Variants in KIAA1549L observed in about 807,000 individuals in gnomAD.
The protein encoded by KIAA1549L is UPF0606 protein KIAA1549L.
A neutral mutation model predicts 160.7 loss-of-function variants in KIAA1549L; 88 were observed. That is an observed-to-expected ratio of 0.55 (90% CI 0.46 to 0.65). The LOEUF (loss-of-function observed/expected upper bound fraction) is 0.65, where lower values mean the gene tolerates loss of function less well. Among genes scored for constraint, KIAA1549L ranks in the 30% least tolerant of loss-of-function variants. KIAA1549L has a pLI of 0.00. For synonymous variants in KIAA1549L, 950 were observed against 976.7 expected, an observed-to-expected ratio of 0.97 and a Z score of 0.51; for missense variants, 2,258 against 2,437.5, an observed-to-expected ratio of 0.93 and a Z score of 1.55.
rs755404470 is a variant in KIAA1549L, at chr11:33,542,934, C to T, written c.1371C>T (p.Ser457=). The part of the protein sequence containing the change: ...PLHLSAAPEN[S]RGPALSAEHT... ...ATTTGTCAGCAGCTCCAGAGAATTCCAGAGGGCCCGCCCTTTCGGCAGAAC... is the reference window on the plus strand; with the variant it reads ...ATTTGTCAGCAGCTCCAGAGAATTCTAGAGGGCCCGCCCTTTCGGCAGAAC... Residue 457 remains serine (S), a synonymous_variant, in exon 2 of 21, where the codon TCC becomes TCT. Transcript: ENST00000658780. 5.6e-6 allele frequency: 9 copies of T among 1,613,958 alleles called. No individual in the cohort carries two copies. In the Admixed American group the frequency reaches 1.3e-4, roughly 24 times the overall value.
chr11:33,525,335 C>T (rs1048163430), intron 1 of KIAA1549L, among the ~76,000 whole-genome samples: 1 of 152,122 alleles, frequency 6.6e-6, no homozygotes, highest in Non-Finnish European at 1.5e-5. Context: ...AGGATTTAAC[C>T]TTATCTAGAA....
rs76195088 is a variant in KIAA1549L at position 33,382,471 on chromosome 11, C to T, written c.238+5582C>T. Among the ~76,000 whole-genome samples, 632 of 152,140 alleles carry T rather than the reference C, an allele frequency of 4.2e-3. 3 individuals are homozygous for T. The highest frequency in any genetic ancestry group is 6.8e-3 in the Non-Finnish European group (459 of 67,988). On this transcript the variant is annotated intron_variant, in intron 1 of 20. Coordinates refer to ENST00000658780, the MANE Select transcript of KIAA1549L (RefSeq NM_012194.3). The stretch of plus-strand genomic sequence containing the variant: ...GGAAAAAGAGGCATTGGAGGCAACA[C>T]ATAAGACAATTCTTATGAAGTTTTT...
rs1849951079 is a variant in KIAA1549L at position 33,376,301 on chromosome 11, C to T, written c.-351C>T. On this transcript the variant is annotated 5_prime_UTR_variant, in exon 1 of 21. Transcript: ENST00000658780. This position sits in a 1 kb window ranked among gnomAD's most constrained non-coding sequence, Gnocchi z 5.8. Reference sequence around the variant, plus strand: ...GGCCGCCACCCCCGTTCCCGGCAGCCTCGCCCCCTAGTTCTGCAGGAGCCG... The same window carrying T: ...GGCCGCCACCCCCGTTCCCGGCAGCTTCGCCCCCTAGTTCTGCAGGAGCCG... Among the ~76,000 whole-genome samples, 1 of 148,882 alleles carries T rather than the reference C, an allele frequency of 6.7e-6. No individual in the cohort carries two copies. The highest frequency in any genetic ancestry group is 6.7e-5 in the Admixed American group (1 of 15,014).
Position 33,672,038 on chromosome 11 carries a change from T to G in KIAA1549L, c.*3884T>G, listed in dbSNP as rs1036151413. On this transcript the variant is annotated 3_prime_UTR_variant, in exon 21 of 21. Transcript: ENST00000658780. ...GGAGTTTTGCAAGGACTAGAAACCC[T>G]TTCACACTTGAAGTGCAGGTGTTGG... 6 of 152,238 alleles carry G rather than the reference T, an allele frequency of 3.9e-5. No homozygotes were observed. The highest frequency in any genetic ancestry group is 5.9e-5 in the Non-Finnish European group (4 of 68,058). 9.4% of individuals were successfully genotyped at this position (152,238 alleles called of 1,614,324 possible). A position where few individuals can be genotyped will look rare whatever the true frequency, so the allele number is the denominator to read the frequency against.
Position 33,672,963 on chromosome 11 carries a change from A to C in KIAA1549L, c.*4809A>C, listed in dbSNP as rs1028876069. On this transcript the variant is annotated 3_prime_UTR_variant, in exon 21 of 21. Transcript: ENST00000658780. ...AGTCTTTTGAAACAAAATTGGTTTC[A>C]AGTGAAACTTACATTATTTTTTGGC... The C allele has an allele frequency of 6.5e-6, 1 of 153,578 alleles. No individual in the cohort carries two copies. Among genetic ancestry groups the C allele is most frequent in the African/African-American group, 2.4e-5 (1 of 41,460 alleles). 9.5% of individuals were successfully genotyped at this position (153,578 alleles called of 1,614,324 possible).
intron 16 of KIAA1549L, among the ~76,000 whole-genome samples, chr11:33,627,870 G>A (rs1851163694): frequency 6.6e-6 from 1 of 150,658 alleles, no homozygotes; most frequent in Non-Finnish European, 1.5e-5. Context: ...TCTTTTAATT[G>A]TGATGTTAGG....
intron 1 of KIAA1549L, among the ~76,000 whole-genome samples, chr11:33,448,584 A>T (rs368468534): frequency 5.3e-5 from 8 of 152,192 alleles, no homozygotes; most frequent in African/African-American, 1.9e-4. Flanking sequence ...TGATTCAGCT[A>T]TTGCTTGTAC....
chr11:33,430,041 T>TCCTTCCTCCCTTCCTTCCTC (rs1200093248), intron 1 of KIAA1549L, among the ~76,000 whole-genome samples: 60 of 140,384 alleles, frequency 4.3e-4, no homozygotes, highest in African/African-American at 1.2e-3. Context: ...CTTCCTTCCT[T>TCCTTCCTCCCTTCCTTCCTC]CCTTCCTCCC....
intron 1 of KIAA1549L, among the ~76,000 whole-genome samples, chr11:33,505,462 G>A (rs928547765): frequency 6.6e-6 from 1 of 152,190 alleles, no homozygotes; most frequent in African/African-American, 2.4e-5. Flanking sequence ...CCTATCACAT[G>A]ATGCCCCCGT....
intron 1 of KIAA1549L, among the ~76,000 whole-genome samples, chr11:33,397,845 T>A (rs1850416517): frequency 7.1e-6 from 1 of 141,834 alleles, no homozygotes; most frequent in East Asian, 2.0e-4. Flanking sequence ...GGAAAAATCA[T>A]ATAGTTTTTT....
At chr11:33,491,190 A>G (rs1852649791) in intron 1 of KIAA1549L, among the ~76,000 whole-genome samples, 3 of 152,188 alleles carry the variant, frequency 2.0e-5, no homozygotes, top group Non-Finnish European at 2.9e-5. Flanking sequence ...CTTCAAGTGC[A>G]GGTATAGTGA....
At chr11:33,405,931 G>A (rs924995651) in intron 1 of KIAA1549L, among the ~76,000 whole-genome samples, 2 of 151,512 alleles carry the variant, frequency 1.3e-5, no homozygotes, top group African/African-American at 4.9e-5. Flanking sequence ...TTTTAGAAGA[G>A]GAAGGCTCTA....
intron 1 of KIAA1549L, among the ~76,000 whole-genome samples, chr11:33,468,429 G>C (rs1180139649): frequency 6.6e-6 from 1 of 152,220 alleles, no homozygotes; most frequent in African/African-American, 2.4e-5. Context: ...GTCCTAGCAA[G>C]GAGTGTTACA....
In KIAA1549L at chr11:33,506,488, G is replaced by A. The variant is rs116078013; in HGVS notation, c.239-35314G>A. Among the ~76,000 whole-genome samples the A allele has an allele frequency of 7.0e-3, 1,072 of 152,284 alleles. 16 individuals are homozygous for A. Among genetic ancestry groups the A allele is most frequent in the African/African-American group, 0.025 (1,035 of 41,542 alleles). ...CACCTGTAATATCAGCACTTTGGGA[G>A]GTTGAGGCAGGAGGATTTCTTGAGT... On this transcript the variant is annotated intron_variant, in intron 1 of 20. Transcript: ENST00000658780.
chr11:33,637,380 C>T (rs979891639), intron 16 of KIAA1549L, among the ~76,000 whole-genome samples: 2 of 152,190 alleles, frequency 1.3e-5, no homozygotes, highest in African/African-American at 4.8e-5. Flanking sequence ...ACATTTCTTC[C>T]CTGCTTAAAA....
At chr11:33,435,761 T>TAG (rs1851340565) in intron 1 of KIAA1549L, among the ~76,000 whole-genome samples, 4 of 34,358 alleles carry the variant, frequency 1.2e-4, no homozygotes, top group East Asian at 1.4e-3. Context: ...ACCAATAAGA[T>TAG]ATATATATAT....
chr11:33,524,510 G>A (rs1453252704), intron 1 of KIAA1549L, among the ~76,000 whole-genome samples: 2 of 70,422 alleles, frequency 2.8e-5, no homozygotes, highest in African/African-American at 1.4e-4. Context: ...TGAGGCGAGA[G>A]GAATTTACTA....
chr11:33,532,498 G>T (rs961881172), intron 1 of KIAA1549L, among the ~76,000 whole-genome samples: 1 of 152,134 alleles, frequency 6.6e-6, no homozygotes, highest in African/African-American at 2.4e-5. Context: ...AAAACCATTC[G>T]TGAGGTAAGT....
chr11:33,666,118 G>A lies in KIAA1549L; in HGVS notation c.6160-1755G>A, dbSNP rs1183198553. Among the ~76,000 whole-genome samples, 4 of 152,032 alleles carry A rather than the reference G, an allele frequency of 2.6e-5. No homozygotes were observed. The South Asian group carries it at 6.2e-4, about 24-fold the overall frequency. On this transcript the variant is annotated intron_variant, in intron 20 of 20. Transcript: ENST00000658780. ...CCCCTCCAAATCCACAGGGAGGCTC[G>A]AATCCACAGCACAATTTGGGTGGCT...
Sources: gnomAD v4.1 joint callset for allele counts (sites outside exome capture counted in the v4.1 genomes callset) on GRCh38, gnomAD v4.1.1 for gene constraint, Gnocchi (gnomAD v3.1) non-coding constraint, MANE v1.5 for transcripts, NCBI Gene and HGNC (gene_info 2026-07-23, HGNC 2026-07-21) for gene names.